The following TPST1 variants were observed in gnomAD, a reference collection of about 807,000 sequenced individuals.
The protein encoded by TPST1 is tyrosylprotein sulfotransferase 1.
A neutral mutation model predicts 34.8 loss-of-function variants in TPST1; 20 were observed. That is an observed-to-expected ratio of 0.57 (90% CI 0.40 to 0.84). The LOEUF is 0.84. Ranked by LOEUF, TPST1 falls within the 40% of genes least tolerant of loss-of-function variation. TPST1 has a pLI of 0.00. For missense variants in TPST1, 353 were observed against 455.5 expected (o/e 0.78, Z 2.05); for synonymous variants, 152 against 159.4 (o/e 0.95, Z 0.35).
chr7:66,234,142 G>A (rs569739334), intron 1 of TPST1, among the ~76,000 whole-genome samples: 2 of 151,756 alleles, frequency 1.3e-5, no homozygotes, highest in South Asian at 4.2e-4. Flanking sequence ...ACAAACGTGA[G>A]CCACCATGCC....
At chr7:66,253,853 C>T (rs1348014100) in intron 2 of TPST1, among the ~76,000 whole-genome samples, 1 of 151,648 alleles carries the variant, frequency 6.6e-6, no homozygotes, top group Admixed American at 6.6e-5. Context: ...GCCTGGCCAA[C>T]ACGGTGAAAC....
At chr7:66,351,639 T>C (rs1259895154) in intron 3 of TPST1, among the ~76,000 whole-genome samples, 1 of 151,902 alleles carries the variant, frequency 6.6e-6, no homozygotes, top group African/African-American at 2.4e-5. Flanking sequence ...CATATAACTT[T>C]TACAATCAAG....
At chr7:66,295,154 G>T (rs942997268) in intron 3 of TPST1, among the ~76,000 whole-genome samples, 5 of 152,014 alleles carry the variant, frequency 3.3e-5, no homozygotes, top group Non-Finnish European at 7.4e-5. Flanking sequence ...CTAAACCAGG[G>T]TAAAGTATCT....
chr7:66,210,303 A>G (rs916984135), intron 1 of TPST1, among the ~76,000 whole-genome samples: 1 of 152,236 alleles, frequency 6.6e-6, no homozygotes, highest in Non-Finnish European at 1.5e-5. Context: ...GAGGAAGCCA[A>G]TGATAACATC....
rs554867631 is a variant in TPST1 at position 66,311,601 on chromosome 7, A to G, written c.1044+24892A>G. ...TTCGATTATTAAACAAGCAATTACT[A>G]AACAGTTGCTTTTTGGAATACTACC... On this transcript the variant is annotated intron_variant, in intron 3 of 5. Transcript: ENST00000304842. Among the ~76,000 whole-genome samples the G allele has an allele frequency of 4.4e-4, 67 of 152,302 alleles. No individual in the cohort carries two copies. In the South Asian group the frequency reaches 0.013, roughly 31 times the overall value.
chr7:66,254,002 CAAAA>C (rs60795420), intron 2 of TPST1, among the ~76,000 whole-genome samples: 3 of 113,570 alleles, frequency 2.6e-5, no homozygotes, highest in Non-Finnish European at 3.6e-5. Flanking sequence ...GACTCTGTTT[CAAAA>C]AAAAAAAAAA....
intron 1 of TPST1, among the ~76,000 whole-genome samples, chr7:66,225,607 CAATA>C (rs745992151): frequency 2.5e-3 from 382 of 150,202 alleles, no homozygotes; most frequent in Non-Finnish European, 4.0e-3. Flanking sequence ...GACTCAGTCT[CAATA>C]AATAAATAAA....
At chr7:66,199,256 C>A in the TPST1 span, among the ~76,000 whole-genome samples, 1 of 151,010 alleles carries the variant, frequency 6.6e-6, no homozygotes, top group African/African-American at 2.4e-5. Context: ...AGTGCCAGGC[C>A]AGTTGCTGCT....
chr7:66,276,333 GT>G (rs1348328669), intron 2 of TPST1, among the ~76,000 whole-genome samples: 3 of 109,872 alleles, frequency 2.7e-5, no homozygotes, highest in East Asian at 2.5e-4. Context: ...CTTTTGAATT[GT>G]TTTATTTCTT....
At chr7:66,286,388 C>A (rs1275751483) in intron 2 of TPST1, 123 bp from the exon 3 acceptor site, 1 of 740,754 alleles carries the variant, frequency 1.3e-6, no homozygotes, top group African/African-American at 1.8e-5. Context: ...TTAGTGCCCT[C>A]TTTCTCAATT....
At chr7:66,201,281 T>C (rs1305851964), upstream of TPST1, among the ~76,000 whole-genome samples, 1 of 150,938 alleles carries the variant, frequency 6.6e-6, no homozygotes, top group African/African-American at 2.4e-5. Context: ...TGATGGCTCA[T>C]GCCTATAATC....
At chr7:66,328,886 C>CTCTCTATATATA (rs757168858) in intron 3 of TPST1, among the ~76,000 whole-genome samples, 33 of 22,086 alleles carry the variant, frequency 1.5e-3, no homozygotes, top group Admixed American at 3.5e-3. Flanking sequence ...CTCTCTCTCT[C>CTCTCTATATATA]TATATATATA....
intron 2 of TPST1, among the ~76,000 whole-genome samples, chr7:66,250,933 A>G (rs991027126): frequency 1.2e-4 from 18 of 152,214 alleles, no homozygotes; most frequent in African/African-American, 4.1e-4. Flanking sequence ...GAACAAAGGG[A>G]TGATTTACAT....
intron 1 of TPST1, among the ~76,000 whole-genome samples, chr7:66,212,072 T>C (rs1789274656): frequency 6.6e-6 from 1 of 152,236 alleles, no homozygotes; most frequent in Non-Finnish European, 1.5e-5. Context: ...GGTTAAGCTG[T>C]GACAGTTACT....
At chr7:66,324,440 C>T (rs1791819654) in intron 3 of TPST1, among the ~76,000 whole-genome samples, 1 of 152,040 alleles carries the variant, frequency 6.6e-6, no homozygotes, top group Non-Finnish European at 1.5e-5. Context: ...TACATATATA[C>T]TTTTATTAAA....
intron 2 of TPST1, among the ~76,000 whole-genome samples, chr7:66,260,741 T>A (rs1262331169): frequency 6.6e-6 from 1 of 152,218 alleles, no homozygotes; most frequent in Non-Finnish European, 1.5e-5. Flanking sequence ...ACCAGTTTGA[T>A]CTTTGGGGTT....
chr7:66,336,531 A>C (rs189937305), intron 3 of TPST1, among the ~76,000 whole-genome samples: 1 of 152,218 alleles, frequency 6.6e-6, no homozygotes, highest in South Asian at 2.1e-4. Context: ...GGTGAGCTTC[A>C]GGACAGAACA....
At chr7:66,243,602 C>G (rs994561288) in intron 2 of TPST1, among the ~76,000 whole-genome samples, 6 of 140,642 alleles carry the variant, frequency 4.3e-5, no homozygotes, top group African/African-American at 1.4e-4. Flanking sequence ...CATCACCATG[C>G]CCAGCTAATT....
intron 1 of TPST1, among the ~76,000 whole-genome samples, chr7:66,236,182 G>A (rs1427460495): frequency 6.6e-6 from 1 of 152,066 alleles, no homozygotes; most frequent in Admixed American, 6.6e-5. Flanking sequence ...TGATTTGGGG[G>A]CCCCAAGATT....
Sources: allele counts gnomAD v4.1 joint callset (sites outside exome capture counted in the v4.1 genomes callset), GRCh38; gene constraint gnomAD v4.1.1; transcripts MANE v1.5; gene names NCBI Gene and HGNC (gene_info 2026-07-23, HGNC 2026-07-21).